Variants in RBFOX1 observed in about 807,000 individuals in gnomAD.
RBFOX1 encodes RNA binding fox-1 homolog 1.
A neutral mutation model predicts 57.7 loss-of-function variants in RBFOX1; 8 were observed. That is an observed-to-expected ratio of 0.14 (90% CI 0.08 to 0.25). The LOEUF is 0.25. Ranked by LOEUF, RBFOX1 falls within the 10% of genes least tolerant of loss-of-function variation. RBFOX1 has a pLI of 1.00. For synonymous variants in RBFOX1, 326 were observed against 222.4 expected, an observed-to-expected ratio of 1.47 and a Z score of -4.15; for missense variants, 611 against 548.5, an observed-to-expected ratio of 1.11 and a Z score of -1.14.
At chr16:5,438,168 G>T (rs2067973813) in intron 1 of RBFOX1, among the ~76,000 whole-genome samples, 1 of 152,170 alleles carries the variant, frequency 6.6e-6, no homozygotes, top group Non-Finnish European at 1.5e-5. Flanking sequence ...GGATATTAAA[G>T]AAACAAAGCT....
intron 3 of RBFOX1, among the ~76,000 whole-genome samples, chr16:5,644,869 C>G (rs984990964): frequency 1.1e-4 from 16 of 152,032 alleles, no homozygotes; most frequent in Non-Finnish European, 2.2e-4. Flanking sequence ...GAGTTTTTGT[C>G]TGAATACCTG....
At chr16:6,598,360 C>T (rs59458039) in intron 2 of RBFOX1, among the ~76,000 whole-genome samples, 3,922 of 152,154 alleles carry the variant, frequency 0.026, 114 homozygotes, top group African/African-American at 0.071. Flanking sequence ...TTATTTAATA[C>T]TCTCCTATTA....
At chr16:5,494,206 T>C (rs1163392399) in intron 2 of RBFOX1, among the ~76,000 whole-genome samples, 1 of 152,200 alleles carries the variant, frequency 6.6e-6, no homozygotes, top group Non-Finnish European at 1.5e-5. Context: ...GACAGTTCTA[T>C]GATGTCTCCT....
intron 2 of RBFOX1, among the ~76,000 whole-genome samples, chr16:6,350,941 G>A (rs576326187): frequency 6.6e-6 from 1 of 152,140 alleles, no homozygotes; most frequent in Non-Finnish European, 1.5e-5. Context: ...CTGGCACCTG[G>A]TCCTCACCAC....
chr16:6,131,869 G>A (rs1456170073), intron 1 of RBFOX1, among the ~76,000 whole-genome samples: 3 of 152,154 alleles, frequency 2.0e-5, no homozygotes, highest in Non-Finnish European at 4.4e-5. Flanking sequence ...GTAGGCGGCT[G>A]TTTGAGAGGT....
At chr16:5,948,005 C>G (rs910837297) in intron 4 of RBFOX1, among the ~76,000 whole-genome samples, 2 of 152,202 alleles carry the variant, frequency 1.3e-5, no homozygotes, top group Non-Finnish European at 2.9e-5. Context: ...TATGTTCATA[C>G]ATTTTCATGG....
At chr16:6,574,564 G>T (rs1036799290) in intron 2 of RBFOX1, among the ~76,000 whole-genome samples, 5 of 150,364 alleles carry the variant, frequency 3.3e-5, no homozygotes, top group African/African-American at 4.9e-5. Flanking sequence ...AAGTAGCTGG[G>T]ACTACAGGCG....
At chr16:7,108,778 C>T (rs745379639) in intron 4 of RBFOX1, among the ~76,000 whole-genome samples, 4 of 152,134 alleles carry the variant, frequency 2.6e-5, no homozygotes, top group Admixed American at 2.0e-4. Context: ...CTCAAAGATG[C>T]ATGTATTACG....
At chr16:6,543,369 G>T (rs149364076) in intron 2 of RBFOX1, among the ~76,000 whole-genome samples, 29 of 152,008 alleles carry the variant, frequency 1.9e-4, no homozygotes, top group African/African-American at 7.0e-4. Flanking sequence ...GTCTCTACTC[G>T]GTGGCTTCTC....
At chr16:6,613,721 G>A (rs563854685) in intron 2 of RBFOX1, among the ~76,000 whole-genome samples, 23 of 152,240 alleles carry the variant, frequency 1.5e-4, no homozygotes, top group African/African-American at 5.1e-4. Flanking sequence ...CAGATCACTC[G>A]AGGCCAAGCG....
At chr16:6,793,007 C>T (rs376688693) in intron 3 of RBFOX1, among the ~76,000 whole-genome samples, 82 of 146,358 alleles carry the variant, frequency 5.6e-4, no homozygotes, top group Non-Finnish European at 8.0e-4. Context: ...GCAGGCTGGG[C>T]GACAGAGTGA....
chr16:6,763,460 A>G (rs757568303), intron 3 of RBFOX1, among the ~76,000 whole-genome samples: 17 of 152,194 alleles, frequency 1.1e-4, no homozygotes, highest in African/African-American at 3.6e-4. Context: ...TTATTCATGG[A>G]TATTTCACAA....
At chr16:6,716,446 T>G (rs2064836949) in intron 3 of RBFOX1, among the ~76,000 whole-genome samples, 1 of 152,224 alleles carries the variant, frequency 6.6e-6, no homozygotes. Context: ...TGTTTTATTT[T>G]GCTTTATTGC....
intron 4 of RBFOX1, among the ~76,000 whole-genome samples, chr16:7,155,738 T>TATATATATAC (rs1364155897): frequency 6.6e-5 from 5 of 75,518 alleles, no homozygotes; most frequent in African/African-American, 3.0e-4. Context: ...TATATATATA[T>TATATATATAC]ACACACACAC....
chr16:6,562,166 G>T (rs941386972), intron 2 of RBFOX1, among the ~76,000 whole-genome samples: 6 of 152,206 alleles, frequency 3.9e-5, no homozygotes, highest in Admixed American at 2.0e-4. Flanking sequence ...TAACATTGTA[G>T]TCAAGAGTTT....
At chr16:6,675,084 T>C (rs1047380406) in intron 3 of RBFOX1, among the ~76,000 whole-genome samples, 1 of 152,008 alleles carries the variant, frequency 6.6e-6, no homozygotes, top group Admixed American at 6.6e-5. Flanking sequence ...TTTGTATTTT[T>C]TTGTAGAGAT....
intron 3 of RBFOX1, among the ~76,000 whole-genome samples, chr16:7,043,834 C>G (rs566302983): frequency 3.3e-5 from 5 of 152,338 alleles, no homozygotes; most frequent in South Asian, 2.1e-4. Context: ...TACTGCACTT[C>G]CATAATCTCA....
intron 3 of RBFOX1, among the ~76,000 whole-genome samples, chr16:6,799,988 A>G (rs74007066): frequency 0.062 from 9,497 of 152,192 alleles, 997 homozygotes; most frequent in African/African-American, 0.21. Flanking sequence ...TTTCATATAT[A>G]TTAAACACAT....
rs542723049 is a variant in RBFOX1, at chr16:7,078,457, C to G, written c.27+26359C>G. Among the ~76,000 whole-genome samples the G allele has an allele frequency of 4.2e-4, 64 of 152,252 alleles. 2 individuals carry two copies. Among genetic ancestry groups the G allele is most frequent in the Admixed American group, 2.2e-3 (33 of 15,282 alleles). On this transcript the variant is annotated intron_variant, in intron 4 of 15. Transcript: ENST00000550418. ...CCGCCTCCCGGATTCAAGCGGTTCT[C>G]CTACCTCAGTCTCCCGAGTAGCTGG...
Sources: allele counts gnomAD v4.1 joint callset (sites outside exome capture counted in the v4.1 genomes callset), GRCh38; gene constraint gnomAD v4.1.1; transcripts MANE v1.5; gene names NCBI Gene and HGNC (gene_info 2026-07-23, HGNC 2026-07-21).